PTPN3: variants seen among roughly 807,000 people sequenced by gnomAD.
The protein encoded by PTPN3 is protein tyrosine phosphatase non-receptor type 3.
Under a neutral mutation model 132.7 loss-of-function variants are expected in PTPN3, and 96 were observed. The observed-to-expected ratio is 0.72, with a 90% confidence interval of 0.61 to 0.86. The LOEUF is 0.86. PTPN3 is among the 40% of genes least tolerant of loss of function. The pLI, the probability that PTPN3 is intolerant of heterozygous loss-of-function variation, is 0.00. For missense variants in PTPN3, 1,125 were observed against 1,159.6 expected, an observed-to-expected ratio of 0.97 and a Z score of 0.43; for synonymous variants, 398 against 429.0, an observed-to-expected ratio of 0.93 and a Z score of 0.89.
In PTPN3 at chr9:109,377,514, G is replaced by A. The variant is rs763112707; in HGVS notation, c.*2042C>T. 107 of 152,408 alleles carry A rather than the reference G, an allele frequency of 7.0e-4. No individual in the cohort carries two copies. The Middle Eastern group carries it at 0.01, about 15-fold the overall frequency. 9.4% of individuals were successfully genotyped at this position (152,408 alleles called of 1,614,324 possible). A position where few individuals can be genotyped will look rare whatever the true frequency, so the allele number is the denominator to read the frequency against. ...CCGGCTACTCAGGAGGCTGAGGTGC[G>A]AGGATTGCTTGAGCCCAGGAATTTG... On this transcript the variant is annotated 3_prime_UTR_variant, in exon 26 of 26. Coordinates refer to ENST00000374541, the MANE Select transcript of PTPN3 (RefSeq NM_002829.4).
rs534082797 is a variant in PTPN3 at position 109,378,662 on chromosome 9, A to C, written c.*894T>G. On this transcript the variant is annotated 3_prime_UTR_variant, in exon 26 of 26. Coordinates refer to ENST00000374541, the MANE Select transcript of PTPN3 (RefSeq NM_002829.4). Reference sequence around the variant, plus strand: ...CAAACATTCGGAATATTTAGATGACACTGTCCCATCTCCCCTTGGGAAAAT... The same window carrying C: ...CAAACATTCGGAATATTTAGATGACCCTGTCCCATCTCCCCTTGGGAAAAT... 1 of 152,718 alleles carries C rather than the reference A, an allele frequency of 6.5e-6. No individual in the cohort carries two copies. Among genetic ancestry groups the C allele is most frequent in the South Asian group, 2.1e-4 (1 of 4,822 alleles). 9.5% of individuals were successfully genotyped at this position (152,718 alleles called of 1,614,324 possible).
chr9:109,475,464 AAT>A (rs1180654956), intron 1 of PTPN3, among the ~76,000 whole-genome samples: 6 of 152,210 alleles, frequency 3.9e-5, no homozygotes, highest in African/African-American at 9.7e-5. Flanking sequence ...TAGACAATGG[AAT>A]ATGTTTTACA....
chr9:109,524,940 G>A, the PTPN3 span, among the ~76,000 whole-genome samples: 1 of 152,186 alleles, frequency 6.6e-6, no homozygotes, highest in South Asian at 2.1e-4. Flanking sequence ...GTTTTGCCGT[G>A]TTGTCCAGGC....
At chr9:109,428,077 T>A (rs573831998) in intron 11 of PTPN3, among the ~76,000 whole-genome samples, 1 of 152,316 alleles carries the variant, frequency 6.6e-6, no homozygotes, top group East Asian at 1.9e-4. Flanking sequence ...TTTCAACACA[T>A]CATGGGAGGG....
chr9:109,431,189 G>A (rs1193437034), intron 10 of PTPN3, among the ~76,000 whole-genome samples: 1 of 152,232 alleles, frequency 6.6e-6, no homozygotes, highest in African/African-American at 2.4e-5. Flanking sequence ...GGGGGTTGGA[G>A]AGTCCCTGCA....
intron 14 of PTPN3, among the ~76,000 whole-genome samples, chr9:109,410,884 T>G (rs1470255300): frequency 1.3e-5 from 2 of 152,226 alleles, no homozygotes; most frequent in Non-Finnish European, 2.9e-5. Flanking sequence ...TTGTTGTGCG[T>G]TCAGGAGAAT....
the PTPN3 span, among the ~76,000 whole-genome samples, chr9:109,536,067 C>T: frequency 6.6e-6 from 1 of 152,178 alleles, no homozygotes; most frequent in Admixed American, 6.5e-5. Flanking sequence ...TGCTTTCTGT[C>T]TCTATGGATT....
chr9:109,410,801 T>C (rs1842017283), intron 14 of PTPN3, among the ~76,000 whole-genome samples: 1 of 152,224 alleles, frequency 6.6e-6, no homozygotes, highest in Non-Finnish European at 1.5e-5. Context: ...AAAGCTTTTT[T>C]CCTTCTGTCT....
At chr9:109,488,377 G>C (rs1847311982) in intron 1 of PTPN3, among the ~76,000 whole-genome samples, 1 of 152,154 alleles carries the variant, frequency 6.6e-6, no homozygotes. Context: ...TAGGATTACA[G>C]GCATGAGCCA....
intron 6 of PTPN3, 152 bp from the exon 7 acceptor site, chr9:109,445,444 A>T (rs528391134): frequency 1.4e-6 from 1 of 710,646 alleles, no homozygotes; most frequent in East Asian, 2.8e-5. Context: ...TATGCTGCAC[A>T]TAAACAGTAA....
chr9:109,433,916 TAAAAAAA>T (rs1170933792), intron 9 of PTPN3, among the ~76,000 whole-genome samples: 16 of 98,284 alleles, frequency 1.6e-4, no homozygotes, highest in Non-Finnish European at 3.0e-4. Flanking sequence ...AGACTCTGTT[TAAAAAAA>T]AAAAAAAAAA....
chr9:109,428,255 G>A (rs1254533764), intron 11 of PTPN3, among the ~76,000 whole-genome samples: 1 of 152,166 alleles, frequency 6.6e-6, no homozygotes, highest in Admixed American at 6.5e-5. Flanking sequence ...TGGCTAGCTG[G>A]TAAGTGGAAG....
At chr9:109,538,192 T>A in the PTPN3 span, among the ~76,000 whole-genome samples, 1 of 152,362 alleles carries the variant, frequency 6.6e-6, no homozygotes, top group South Asian at 2.1e-4. Context: ...TGCAATATTT[T>A]CATCATTTCT....
In PTPN3 at chr9:109,376,414, T is replaced by A. The variant is rs1336821838; in HGVS notation, c.*3142A>T. 6.6e-6 allele frequency: 1 copy of A among 152,146 alleles called. No individual in the cohort carries two copies. Among genetic ancestry groups the A allele is most frequent in the African/African-American group, 2.4e-5 (1 of 41,424 alleles). The allele number at this position is 152,146 out of a possible 1,614,324, so 9.4% of individuals were successfully genotyped here. On this transcript the variant is annotated 3_prime_UTR_variant, in exon 26 of 26. Transcript: ENST00000374541. ...AACACAGCAGCAATAGTATCCACACTAATCTAAAAGCATATTTAAATATGA... is the reference window on the plus strand; with the variant it reads ...AACACAGCAGCAATAGTATCCACACAAATCTAAAAGCATATTTAAATATGA...
the PTPN3 span, among the ~76,000 whole-genome samples, chr9:109,509,949 G>C: frequency 0.86 from 130,969 of 152,222 alleles, 56,404 homozygotes; most frequent in South Asian, 0.94. Context: ...CACTGAAAAC[G>C]TAACCCAGCC....
At chr9:109,536,827 T>A in the PTPN3 span, among the ~76,000 whole-genome samples, 1 of 152,150 alleles carries the variant, frequency 6.6e-6, no homozygotes, top group Non-Finnish European at 1.5e-5. Context: ...TTATTGTAAG[T>A]CTCTGGGAAG....
intron 16 of PTPN3, 126 bp downstream of exon 16, chr9:109,409,873 C>G: frequency 7.1e-7 from 1 of 1,416,420 alleles, no homozygotes; most frequent in Non-Finnish European, 9.3e-7. Flanking sequence ...CCCCAACTCT[C>G]AATTCTGAGG....
intron 21 of PTPN3, 124 bp downstream of exon 21, chr9:109,391,014 T>C (rs1840032341): frequency 3.7e-6 from 3 of 808,176 alleles, no homozygotes; most frequent in South Asian, 3.2e-5. Flanking sequence ...ATGGCTGTTG[T>C]GGTGCTGAAA....
chr9:109,493,054 A>G (rs958937317), intron 1 of PTPN3, among the ~76,000 whole-genome samples: 3 of 152,218 alleles, frequency 2.0e-5, no homozygotes, highest in Non-Finnish European at 4.4e-5. Flanking sequence ...ATCTGTTTTT[A>G]TATTTTATTT....
Sources: allele counts gnomAD v4.1 joint callset (sites outside exome capture counted in the v4.1 genomes callset), GRCh38; gene constraint gnomAD v4.1.1; transcripts MANE v1.5; gene names NCBI Gene and HGNC (gene_info 2026-07-23, HGNC 2026-07-21).